Variants in RPL10 observed in about 807,000 individuals in gnomAD.
The protein encoded by RPL10 is large ribosomal subunit protein uL16.
In RPL10, 1 loss-of-function variant was observed where a neutral mutation model predicts 15.7. The observed-to-expected ratio is 0.06, with a 90% CI of 0.02 to 0.30. The LOEUF is 0.30. Ranked by LOEUF, RPL10 falls within the 10% of genes least tolerant of loss-of-function variation. The pLI is 1.00. For missense variants in RPL10, 54 were observed against 183.4 expected (o/e 0.29, Z 4.08); for synonymous variants, 59 against 64.0 (o/e 0.92, Z 0.37).
chrX:154,398,519 C>T lies in RPL10; in HGVS notation c.-1C>T, dbSNP rs375591353. On this transcript the variant is annotated 5_prime_UTR_variant, in exon 2 of 7. Transcript: ENST00000369817. ...CAGCCACTGAAGATCCTGGTGTCGC[C>T]ATGGGCCGCCGCCCCGCCCGTTGGT... 1.7e-6 allele frequency: 2 copies of T among 1,209,913 alleles called. No individual in the cohort carries two copies. The highest frequency in any genetic ancestry group is 3.0e-5 in the East Asian group (1 of 33,799).
In RPL10 at chrX:154,400,642, G is replaced by T; in HGVS notation, c.492+16G>T. The T allele has an allele frequency of 8.3e-7, 1 of 1,211,438 alleles. No homozygotes were observed. On this transcript the variant is annotated intron_variant, in intron 6 of 6. Coordinates refer to ENST00000369817, the MANE Select transcript of RPL10 (RefSeq NM_006013.5). ...CCGCCAGAAGGTATGTAGTGCTGCAGCCCCCTTCTCCCACCTTTGCCCCAG... is the reference window on the plus strand; with the variant it reads ...CCGCCAGAAGGTATGTAGTGCTGCATCCCCCTTCTCCCACCTTTGCCCCAG...
At position 154,400,910 on chromosome X, in the gene RPL10, T is replaced by C; in HGVS notation, c.*56T>C. 5 of 1,208,021 alleles carry C rather than the reference T, an allele frequency of 4.1e-6. No homozygotes were observed. Among genetic ancestry groups the C allele is most frequent in the Non-Finnish European group, 5.6e-6 (5 of 893,599 alleles). On this transcript the variant is annotated 3_prime_UTR_variant, in exon 7 of 7. Transcript: ENST00000369817. ...ACTCACCAATAAATTCTACTTCCTG[T>C]CCACCTATGTCTTTGTATCTACATT...
Position 154,401,293 on chromosome X carries a change from T to C in RPL10, c.*439T>C. The C allele has an allele frequency of 4.4e-6, 1 of 226,247 alleles. No homozygotes were observed. The highest frequency in any genetic ancestry group is 8.2e-6 in the Non-Finnish European group (1 of 122,109). 18.6% of individuals were successfully genotyped at this position (226,247 alleles called of 1,213,427 possible). On this transcript the variant is annotated 3_prime_UTR_variant, in exon 7 of 7. Coordinates refer to ENST00000369817, the MANE Select transcript of RPL10 (RefSeq NM_006013.5). ...TTAGCAAGGGTAGGTGTGCATCACA[T>C]TGGGCTTGTTCTCACCCATCTGGTT... is the stretch of plus-strand genomic sequence containing the variant.
chrX:154,401,233 G>A lies in RPL10; in HGVS notation c.*379G>A. ...ATTACAACACATGCGGACCAAGAGGGGCTTGTGGGCTAGAGGCTGACCAGC... is the reference window on the plus strand; with the variant it reads ...ATTACAACACATGCGGACCAAGAGGAGCTTGTGGGCTAGAGGCTGACCAGC... On this transcript the variant is annotated 3_prime_UTR_variant, in exon 7 of 7. Transcript: ENST00000369817. 2 of 269,155 alleles carry A rather than the reference G, an allele frequency of 7.4e-6. No homozygotes were observed. Among genetic ancestry groups the A allele is most frequent in the South Asian group, 4.1e-5 (1 of 24,340 alleles). The allele number at this position is 269,155 out of a possible 1,213,427, so 22.2% of individuals were successfully genotyped here.
At chrX:154,400,443 C>T in intron 5 of RPL10, 21 bp from the exon 6 acceptor site, 2 of 1,198,911 alleles carry the variant, frequency 1.7e-6, no homozygotes, top group South Asian at 3.5e-5. Flanking sequence ...ATGTTTCTGA[C>T]CTTGCACTAC....
intron 2 of RPL10, chrX:154,399,044 A>G (rs1451862890): frequency 2.4e-6 from 1 of 419,357 alleles, no homozygotes; most frequent in Non-Finnish European, 4.3e-6. Flanking sequence ...TGTAGTACGC[A>G]GTGTCTTGAA....
In RPL10 at chrX:154,401,093, G is replaced by C. The variant is rs1020523352; in HGVS notation, c.*239G>C. The C allele has an allele frequency of 3.2e-5, 29 of 899,299 alleles. No individual in the cohort carries two copies. The African/African-American group carries it at 5.8e-4, about 18-fold the overall frequency. 74.1% of individuals were successfully genotyped at this position (899,299 alleles called of 1,213,427 possible). A position where few individuals can be genotyped will look rare whatever the true frequency, so the allele number is the denominator to read the frequency against. ...GTTGTCTACTCTGGAGCTTGACTTGGACCTCCCCAGGTCCTAGGCAGTAGG... is the reference window on the plus strand; with the variant it reads ...GTTGTCTACTCTGGAGCTTGACTTGCACCTCCCCAGGTCCTAGGCAGTAGG... On this transcript the variant is annotated 3_prime_UTR_variant, in exon 7 of 7. Coordinates refer to ENST00000369817, the MANE Select transcript of RPL10 (RefSeq NM_006013.5).
chrX:154,399,407 G>C lies in RPL10; in HGVS notation c.82+11G>C. On this transcript the variant is annotated intron_variant, in intron 3 of 6. Transcript: ENST00000369817. ...GCCGAGGTGTCCCTGGTAAGTAGTG[G>C]AAGAGCCCCTGCACTGGTTGGCTCT... is the stretch of plus-strand genomic sequence containing the variant. 1 of 1,211,260 alleles carries C rather than the reference G, an allele frequency of 8.3e-7. No homozygotes were observed. Among genetic ancestry groups the C allele is most frequent in the Non-Finnish European group, 1.1e-6 (1 of 894,877 alleles).
rs1557185743 is a variant in RPL10 at position 154,400,447 on chromosome X, G to C, written c.330-17G>C. ...GGTGGATGTTCATGTTTCTGACCTT[G>C]CACTACCCCAATGTAGGCTCCAAAC... On this transcript the variant is annotated splice_polypyrimidine_tract_variant and intron_variant, in intron 5 of 6. Transcript: ENST00000369817. The C allele has an allele frequency of 8.3e-7, 1 of 1,199,473 alleles. No individual in the cohort carries two copies. The highest frequency in any genetic ancestry group is 1.1e-6 in the Non-Finnish European group (1 of 894,986).
chrX:154,398,398 A>G lies in RPL10; in HGVS notation c.-24+4A>G, dbSNP rs782377529. 1.4e-4 allele frequency: 120 copies of G among 886,808 alleles called. No homozygotes were observed. The highest frequency in any genetic ancestry group is 1.8e-4 in the Non-Finnish European group (110 of 603,605). The allele number at this position is 886,808 out of a possible 1,213,427, so 73.1% of individuals were successfully genotyped here. On this transcript the variant is annotated splice_donor_region_variant and intron_variant, in intron 1 of 6. Transcript: ENST00000369817. ...GCGCCTCTTTCCCTTCGGTGTGGTG[A>G]GTAAGCGCAGTTGTCGTCTCTTGCG...
In RPL10 at chrX:154,399,303, C is replaced by G. The variant is rs782201969; in HGVS notation, c.24-35C>G. ...AAGTGCCTGTTGGGCTTTCTGTGAA[C>G]CTCACCTAACCTGTGTTTTTTCACT... On this transcript the variant is annotated intron_variant, in intron 2 of 6. Transcript: ENST00000369817. The G allele has an allele frequency of 4.2e-6, 5 of 1,199,023 alleles. No individual in the cohort carries two copies. The African/African-American group carries it at 8.8e-5, about 21-fold the overall frequency.
intron 3 of RPL10, 22 bp from the exon 4 acceptor site, chrX:154,399,465 C>A: frequency 8.3e-7 from 1 of 1,210,524 alleles, no homozygotes; most frequent in Non-Finnish European, 1.1e-6. Context: ...ACACCCCCTG[C>A]ACACTTACCC....
chrX:154,398,924 A>C, intron 2 of RPL10: 2 of 355,129 alleles, frequency 5.6e-6, no homozygotes, highest in East Asian at 5.6e-5. Flanking sequence ...CCTGTGTCCT[A>C]CAGGGGGCGC....
rs1557185454 is a variant in RPL10, at chrX:154,399,837, C to T, written c.225C>T (p.Tyr75=). The part of the protein sequence containing the change: ...LEAARICANK[Y]MVKSCGKDGF... ...CTGCCCGAATTTGTGCCAATAAGTA[C>T]ATGGTAAAAAGTTGTGGCAAAGATG... The change falls in exon 5 of 7, where the codon TAC becomes TAT. Residue 75 remains tyrosine (Y), a synonymous_variant. Transcript: ENST00000369817. The T allele has an allele frequency of 8.3e-7, 1 of 1,211,863 alleles. No individual in the cohort carries two copies. The highest frequency in any genetic ancestry group is 1.1e-6 in the Non-Finnish European group (1 of 895,467).
rs2068050981 is a variant in RPL10 at position 154,402,001 on chromosome X, G to C, written c.*1147G>C. On this transcript the variant is annotated 3_prime_UTR_variant, in exon 7 of 7. Coordinates refer to ENST00000369817, the MANE Select transcript of RPL10 (RefSeq NM_006013.5). ...TGCAGCCCCTTTCCGGGACACCTGGGTTCACACAGCTTTTTAGCTTACATA... is the reference window on the plus strand; with the variant it reads ...TGCAGCCCCTTTCCGGGACACCTGGCTTCACACAGCTTTTTAGCTTACATA... 8.9e-6 allele frequency: 1 copy of C among 111,837 alleles called. No homozygotes were observed. Among genetic ancestry groups the C allele is most frequent in the South Asian group, 3.7e-4 (1 of 2,695 alleles). 9.2% of individuals were successfully genotyped at this position (111,837 alleles called of 1,213,427 possible).
intron 3 of RPL10, 33 bp downstream of exon 3, chrX:154,399,429 C>T (rs781974073): frequency 3.3e-6 from 4 of 1,206,750 alleles, no homozygotes; most frequent in African/African-American, 1.7e-5. Context: ...CACTGGTTGG[C>T]TCTGCGGACT....
At chrX:154,399,993 C>A in intron 5 of RPL10, 52 bp downstream of exon 5, 3 of 1,193,851 alleles carry the variant, frequency 2.5e-6, no homozygotes, top group Non-Finnish European at 3.4e-6. Context: ...CATTATTAGG[C>A]TTGCATTATT....
chrX:154,398,072 C>T (rs928077566), upstream of RPL10: 10 of 276,685 alleles, frequency 3.6e-5, no homozygotes, highest in African/African-American at 2.8e-5. Context: ...CAGAAATATA[C>T]GTCTGTCACA....
chrX:154,398,694 T>A, intron 2 of RPL10, 152 bp downstream of exon 2: 1 of 665,455 alleles, frequency 1.5e-6, no homozygotes. Context: ...CCGGCTATTT[T>A]TTAGTCTGCA....
Sources: allele counts gnomAD v4.1 joint callset, GRCh38; gene constraint gnomAD v4.1.1; transcripts MANE v1.5; gene names NCBI Gene and HGNC (gene_info 2026-07-23, HGNC 2026-07-21).